The following FBXW4 variants were observed in gnomAD, a reference collection of about 807,000 sequenced individuals.
FBXW4 encodes F-box and WD repeat domain containing 4, also known as F-box/WD repeat-containing protein 4.
FBXW4 carries 40 observed loss-of-function variants against 61.8 expected under a neutral mutation model. That is an observed-to-expected ratio of 0.65 (90% CI 0.50 to 0.84). FBXW4 has a LOEUF of 0.84. FBXW4 is among the 40% of genes least tolerant of loss of function. The pLI is 0.00. For missense variants in FBXW4, 672 were observed against 753.8 expected (o/e 0.89, Z 1.27); for synonymous variants, 311 against 313.8 (o/e 0.99, Z 0.10).
At chr10:101,627,329 T>A (rs949619951) in intron 5 of FBXW4, among the ~76,000 whole-genome samples, 2 of 152,172 alleles carry the variant, frequency 1.3e-5, no homozygotes, top group African/African-American at 4.8e-5. Context: ...TTCCTGGCAC[T>A]TAGGAGGACT....
chr10:101,628,349 C>A (rs2063923737), intron 5 of FBXW4, among the ~76,000 whole-genome samples: 1 of 152,212 alleles, frequency 6.6e-6, no homozygotes, highest in South Asian at 2.1e-4. Context: ...GGTGGCTCCC[C>A]AGGTAGGCTG....
At chr10:101,662,922 C>T (rs2064259124) in intron 5 of FBXW4, among the ~76,000 whole-genome samples, 1 of 152,166 alleles carries the variant, frequency 6.6e-6, no homozygotes, top group African/African-American at 2.4e-5. Context: ...GCTGCCTTCT[C>T]CCACCACTCC....
intron 4 of FBXW4, 60 bp from the exon 5 acceptor site, chr10:101,668,040 G>A: frequency 3.0e-6 from 4 of 1,317,230 alleles, no homozygotes; most frequent in Non-Finnish European, 4.4e-6. Flanking sequence ...GGGAGGAGAG[G>A]TGCTCCGGGA....
At chr10:101,646,502 T>C (rs2064098265) in intron 5 of FBXW4, among the ~76,000 whole-genome samples, 1 of 152,214 alleles carries the variant, frequency 6.6e-6, no homozygotes, top group African/African-American at 2.4e-5. Flanking sequence ...CCAGAAAGCA[T>C]TTCCCCCACA....
intron 6 of FBXW4, among the ~76,000 whole-genome samples, chr10:101,623,803 C>A (rs1460202910): frequency 6.6e-6 from 1 of 152,126 alleles, no homozygotes; most frequent in Non-Finnish European, 1.5e-5. Context: ...GGGAATTATG[C>A]TGGGTTTTTA....
At chr10:101,626,340 A>G (rs2063907371) in intron 5 of FBXW4, 2 of 152,464 alleles carry the variant, frequency 1.3e-5, no homozygotes, top group African/African-American at 4.8e-5. Context: ...CTCCCCAAAC[A>G]TTTTTCTATT....
intron 6 of FBXW4, among the ~76,000 whole-genome samples, chr10:101,615,981 C>T (rs942195451): frequency 1.1e-4 from 17 of 152,182 alleles, no homozygotes; most frequent in African/African-American, 2.4e-4. Context: ...TCAGCATGTC[C>T]GTGGCTCCCA....
intron 5 of FBXW4, chr10:101,660,063 C>T: frequency 1.0e-6 from 1 of 985,050 alleles, no homozygotes; most frequent in South Asian, 4.7e-5. Flanking sequence ...CTACCTGCCC[C>T]ATGGCCCAAA....
intron 5 of FBXW4, chr10:101,628,072 G>T: frequency 1.6e-6 from 1 of 637,866 alleles, no homozygotes; most frequent in Non-Finnish European, 2.0e-6. Flanking sequence ...CGTGTCAAAG[G>T]CTCTCAATAA....
chr10:101,612,822 T>TGCACAC (rs2063799366), intron 6 of FBXW4, among the ~76,000 whole-genome samples: 1 of 151,664 alleles, frequency 6.6e-6, no homozygotes, highest in South Asian at 2.1e-4. Context: ...CACATGCACA[T>TGCACAC]GCACACACAC....
intron 5 of FBXW4, chr10:101,625,494 G>A (rs1432534550): frequency 6.6e-6 from 1 of 152,332 alleles, no homozygotes; most frequent in East Asian, 1.9e-4. Flanking sequence ...ACAACGCCGA[G>A]AGGCACACGA....
intron 5 of FBXW4, chr10:101,660,327 T>TGGGGGGGG: frequency 8.0e-5 from 1 of 12,436 alleles, no homozygotes; most frequent in Non-Finnish European, 1.5e-4. Context: ...GAAGTTGGGT[T>TGGGGGGGG]GGGAGGGGGG....
chr10:101,678,013 T>C (rs1378538732), intron 1 of FBXW4, among the ~76,000 whole-genome samples: 1 of 152,174 alleles, frequency 6.6e-6, no homozygotes, highest in Non-Finnish European at 1.5e-5. Flanking sequence ...CAAATATTAA[T>C]TGTAGAACCT....
intron 1 of FBXW4, among the ~76,000 whole-genome samples, chr10:101,677,695 A>C (rs2064428508): frequency 6.6e-6 from 1 of 152,020 alleles, no homozygotes; most frequent in African/African-American, 2.4e-5. Flanking sequence ...CCAAGATGGG[A>C]GGATCACTTG....
intron 5 of FBXW4, chr10:101,626,403 A>T (rs2063907715): frequency 6.6e-6 from 1 of 152,664 alleles, no homozygotes; most frequent in South Asian, 2.1e-4. Flanking sequence ...CTGGAAACAT[A>T]ATAGCCACTT....
intron 5 of FBXW4, among the ~76,000 whole-genome samples, chr10:101,641,631 C>CG (rs2064054052): frequency 1.3e-4 from 1 of 7,626 alleles, no homozygotes; most frequent in Non-Finnish European, 2.9e-4. Flanking sequence ...GATTTTTTCT[C>CG]AAAAAAAAAC....
chr10:101,679,929 T>A (rs912675375), intron 1 of FBXW4, among the ~76,000 whole-genome samples: 6 of 152,146 alleles, frequency 3.9e-5, no homozygotes, highest in Non-Finnish European at 8.8e-5. Context: ...ATTACACCAC[T>A]CTGTACGCCT....
intron 5 of FBXW4, among the ~76,000 whole-genome samples, chr10:101,663,136 C>T (rs1255174868): frequency 2.6e-5 from 4 of 152,198 alleles, no homozygotes; most frequent in African/African-American, 9.7e-5. Flanking sequence ...CCACATGTGG[C>T]CCTGCATTGA....
chr10:101,661,147 G>A (rs1050955723), intron 5 of FBXW4, among the ~76,000 whole-genome samples: 5 of 152,200 alleles, frequency 3.3e-5, no homozygotes, highest in Admixed American at 2.0e-4. Flanking sequence ...GTATTCAGCC[G>A]TCTGCAGGAG....
Sources: allele counts gnomAD v4.1 joint callset (sites outside exome capture counted in the v4.1 genomes callset), GRCh38; gene constraint gnomAD v4.1.1; transcripts MANE v1.5; gene names NCBI Gene and HGNC (gene_info 2026-07-23, HGNC 2026-07-21).